INTS1: variants seen among roughly 807,000 people sequenced by gnomAD.
INTS1 encodes the protein integrator complex subunit 1.
Under a neutral mutation model 241.6 loss-of-function variants are expected in INTS1, and 137 were observed. That is an observed-to-expected ratio of 0.57 (90% CI 0.49 to 0.65). The LOEUF (loss-of-function observed/expected upper bound fraction) is 0.65, where lower values mean the gene tolerates loss of function less well. INTS1 is among the 30% of genes least tolerant of loss of function. The probability of loss-of-function intolerance (pLI) is 0.00; values close to 1 mark genes in which losing one functional copy is unlikely to be tolerated. For synonymous variants in INTS1, 1,692 were observed against 1,337.8 expected (o/e 1.26, Z -5.78); for missense variants, 3,073 against 3,032.2 (o/e 1.01, Z -0.32).
intron 39 of INTS1, among the ~76,000 whole-genome samples, chr7:1,475,441 T>A (rs756220463): frequency 2.0e-5 from 3 of 151,648 alleles, no homozygotes; most frequent in Non-Finnish European, 4.4e-5. Flanking sequence ...GACATATAAG[T>A]GAAAAAAACC....
rs371161550 is a variant in INTS1, at chr7:1,478,482, G to A, written c.4514C>T (p.Ala1505Val). 38 of 1,611,590 alleles carry A rather than the reference G, an allele frequency of 2.4e-5. No homozygotes were observed. The African/African-American group carries it at 4.5e-4, about 19-fold the overall frequency. ...GTCCTGACGGAAGGCCAGGGCCTCGGCCAGGCGCAGGAGCCCCCCTCGCAC... is the reference window on the plus strand; with the variant it reads ...GTCCTGACGGAAGGCCAGGGCCTCGACCAGGCGCAGGAGCCCCCCTCGCAC... ...SDVRGGLLRLAEALAFRQDLE... is the reference protein window; with the variant it reads ...SDVRGGLLRLVEALAFRQDLE... Residue 1505 changes from alanine to valine, a missense_variant, in exon 33 of 48, where the codon GCC (alanine) becomes GTC (valine). Physicochemically the swap from Ala to Val is moderately conservative, Grantham distance 64. Coordinates refer to ENST00000404767, the MANE Select transcript of INTS1 (RefSeq NM_001080453.3).
At chr7:1,476,491 C>A (rs764906507) in intron 37 of INTS1, 36 bp from the exon 38 acceptor site, 2 of 1,601,056 alleles carry the variant, frequency 1.2e-6, no homozygotes, top group Admixed American at 1.7e-5. Context: ...CGGAGCACCA[C>A]CGCCTCTCCC....
At position 1,476,069 on chromosome 7, in the gene INTS1, A is replaced by G; in HGVS notation, c.5381T>C (p.Val1794Ala). The G allele has an allele frequency of 1.3e-6, 2 of 1,542,152 alleles. No homozygotes were observed. Among genetic ancestry groups the G allele is most frequent in the Non-Finnish European group, 1.7e-6 (2 of 1,145,802 alleles). Residue 1794 changes from valine to alanine, a missense_variant and splice_region_variant, in exon 39 of 48, where the codon GTG becomes GCG. Physicochemically the swap from Val to Ala is moderately conservative, Grantham distance 64 (BLOSUM62 0). Transcript: ENST00000404767. ...SGCIQQWGDS[V>A]LGRRCRDLLL... ...AAGGTCTCGGCAGCGCCTGCCCAGC[A>G]CGCTGGAAGAGGTGGAGCAGGGCTC... is the stretch of plus-strand genomic sequence containing the variant.
At chr7:1,478,643 C>T (rs1584265905) in intron 32 of INTS1, 83 bp downstream of exon 32, 7 of 1,486,438 alleles carry the variant, frequency 4.7e-6, no homozygotes, top group South Asian at 2.6e-5. Context: ...GCCCAGGCCT[C>T]GGGGTGCCAG....
intron 43 of INTS1, 92 bp downstream of exon 43, chr7:1,472,980 G>A (rs1207832552): frequency 9.8e-6 from 8 of 818,024 alleles, no homozygotes; most frequent in East Asian, 5.5e-5. Flanking sequence ...GGGACGCCTC[G>A]GACGGCCCAG....
chr7:1,473,763 C>G (rs1488877262), intron 41 of INTS1, 70 bp from the exon 42 acceptor site: 9 of 1,587,594 alleles, frequency 5.7e-6, no homozygotes, highest in Non-Finnish European at 7.7e-6. Context: ...GTGCTCCCAT[C>G]TGCTCCCAGA....
chr7:1,500,313 C>T lies in INTS1; in HGVS notation c.403G>A (p.Asp135Asn), dbSNP rs764761251. The stretch of plus-strand genomic sequence containing the variant: ...CACAGCACGCCCTCGATCCTGTCAT[C>T]GTTGCCCTCCAGCTCGGCCGCCTCG... ...EIEAAELEGN[D>N]DRIEGVLCGA... Residue 135 changes from aspartate (D) to asparagine (N), a missense_variant, in exon 4 of 48, where the codon GAT becomes AAT. Physicochemically the swap from Asp to Asn is conservative, Grantham distance 23 (BLOSUM62 1). Coordinates refer to ENST00000404767, the MANE Select transcript of INTS1 (RefSeq NM_001080453.3). The T allele has an allele frequency of 6.9e-6, 11 of 1,592,928 alleles. No individual in the cohort carries two copies. Among genetic ancestry groups the T allele is most frequent in the South Asian group, 1.1e-5 (1 of 88,668 alleles).
At chr7:1,491,552 C>T (rs1025052931) in intron 16 of INTS1, among the ~76,000 whole-genome samples, 2 of 152,226 alleles carry the variant, frequency 1.3e-5, no homozygotes, top group African/African-American at 4.8e-5. Context: ...AGACATGACA[C>T]AAAAGCACAG....
chr7:1,472,851 G>A (rs78512074), intron 43 of INTS1, among the ~76,000 whole-genome samples: 4,101 of 151,380 alleles, frequency 0.027, 206 homozygotes, highest in African/African-American at 0.094. Flanking sequence ...TTGCCGGGGC[G>A]GGGCGATGTG....
chr7:1,475,961 C>T lies in INTS1; in HGVS notation c.5489G>A (p.Ser1830Asn). The change falls in exon 39 of 48, where the codon AGC becomes AAC. Residue 1830 changes from serine to asparagine, a missense_variant. Coordinates refer to ENST00000404767, the MANE Select transcript of INTS1 (RefSeq NM_001080453.3). ...TTGCGCCCTCACCTTGCAGACGCTG[C>T]TGCTGGCAGCCCCTTCGCTGTGCAG... is the stretch of plus-strand genomic sequence containing the variant. ...VLLHSEGAAS[S>N]SVCKLDGLIH... 1 of 1,540,932 alleles carries T rather than the reference C, an allele frequency of 6.5e-7. No individual in the cohort carries two copies.
intron 45 of INTS1, 64 bp from the exon 46 acceptor site, chr7:1,471,288 C>T (rs1781457044): frequency 1.3e-6 from 2 of 1,483,394 alleles, no homozygotes. Flanking sequence ...GGCCCCTTCA[C>T]CTCTTGGTCT....
rs868156341 is a variant in INTS1 at position 1,493,777 on chromosome 7, C to A, written c.2045G>T (p.Arg682Leu). Residue 682 changes from arginine (R) to leucine (L), a missense_variant, in exon 15 of 48, where the codon CGG becomes CTG. Arg to Leu is a moderately radical substitution (Grantham distance 102). Coordinates refer to ENST00000404767, the MANE Select transcript of INTS1 (RefSeq NM_001080453.3). The surrounding 1 kb of genome is among the most constrained non-coding windows in gnomAD (Gnocchi z 5.3). ...AMELADHLVK[R>L]AAAVQADDVE... ...ACCATCCGCCTGCACGGCAGCCGCC[C>A]GCTTCACCAGGTGGTCAGCAAGCTC... 6.3e-7 allele frequency: 1 copy of A among 1,578,926 alleles called. No individual in the cohort carries two copies. Among genetic ancestry groups the A allele is most frequent in the East Asian group, 2.3e-5 (1 of 42,588 alleles).
chr7:1,493,877 A>AGCCAG lies in INTS1; in HGVS notation c.1944_1945insCTGGC (p.Glu650AlafsTer6). On this transcript the variant is annotated frameshift_variant, in exon 15 of 48. Transcript: ENST00000404767. LOFTEE classifies it high-confidence loss of function. This position sits in a 1 kb window ranked among gnomAD's most constrained non-coding sequence, Gnocchi z 5.3. The stretch of plus-strand genomic sequence containing the variant: ...AGGATGCGCATCAGCGTGTCCTCCA[A>AGCCAG]AATGGGCACCTCGGAGCACAGACGC... 1 of 1,564,490 alleles carries AGCCAG rather than the reference A, an allele frequency of 6.4e-7. No homozygotes were observed. The highest frequency in any genetic ancestry group is 8.7e-7 in the Non-Finnish European group (1 of 1,155,144).
chr7:1,470,462 C>A lies in INTS1; in HGVS notation c.*115G>T, dbSNP rs915048990. ...CCTGGGCCTGCCTGGCCTCAGGGCT[C>A]GGCGCCCTCACCTCCTCGGACAGAC... On this transcript the variant is annotated 3_prime_UTR_variant, in exon 48 of 48. Transcript: ENST00000404767. The A allele has an allele frequency of 1.3e-6, 1 of 788,236 alleles. No individual in the cohort carries two copies. The highest frequency in any genetic ancestry group is 3.3e-5 in the Admixed American group (1 of 30,038). The allele number at this position is 788,236 out of a possible 1,614,324, so 48.8% of individuals were successfully genotyped here. A position where few individuals can be genotyped will look rare whatever the true frequency, so the allele number is the denominator to read the frequency against.
chr7:1,495,840 T>G (rs942840704), intron 12 of INTS1, among the ~76,000 whole-genome samples: 2 of 152,100 alleles, frequency 1.3e-5, no homozygotes, highest in African/African-American at 4.8e-5. Flanking sequence ...ACACCCGGAC[T>G]GCCCCAAACA....
Position 1,472,346 on chromosome 7 carries a change from G to T in INTS1, c.6111C>A (p.Ser2037=). ...SAGSLPLVSV[S]LFTPLTAAEM... is the part of the protein sequence containing the mutation. ...CGGCCGCGGTCAGAGGGGTGAACAG[G>T]GAGACGCTGACCAGGGGCAAGGAGC... The change falls in exon 44 of 48, where the codon TCC becomes TCA. Residue 2037 remains serine (S), a synonymous_variant. Coordinates refer to ENST00000404767, the MANE Select transcript of INTS1 (RefSeq NM_001080453.3). 6.4e-7 allele frequency: 1 copy of T among 1,573,944 alleles called. No individual in the cohort carries two copies. The highest frequency in any genetic ancestry group is 8.6e-7 in the Non-Finnish European group (1 of 1,160,478).
intron 8 of INTS1, 34 bp downstream of exon 8, chr7:1,498,941 C>CCCCG: frequency 7.4e-7 from 1 of 1,344,088 alleles, no homozygotes; most frequent in Non-Finnish European, 1.0e-6. Context: ...CCCCCACCCC[C>CCCCG]TGCCCCGCCC....
chr7:1,471,726 G>A, intron 44 of INTS1, 85 bp from the exon 45 acceptor site: 3 of 1,297,184 alleles, frequency 2.3e-6, no homozygotes, highest in Non-Finnish European at 2.2e-6. Flanking sequence ...GAGGGGGCAA[G>A]GCCCCGAGCA....
Position 1,476,320 on chromosome 7 carries a change from G to A in INTS1, c.5287C>T (p.Pro1763Ser). The change falls in exon 38 of 48, where the codon CCC becomes TCC. Residue 1763 changes from proline to serine, a missense_variant. By Grantham distance (74) the Pro-to-Ser change is moderately conservative. Transcript: ENST00000404767. ...AACSLIQARL[P>S]LLLSCCCGDD... ...CCACAGCAGCAGCTGAGCAGCAGGGGCAGCCGGGCCTGGATGAGGCTGCAG... is the reference window on the plus strand; with the variant it reads ...CCACAGCAGCAGCTGAGCAGCAGGGACAGCCGGGCCTGGATGAGGCTGCAG... 2 of 1,587,848 alleles carry A rather than the reference G, an allele frequency of 1.3e-6. No homozygotes were observed. Among genetic ancestry groups the A allele is most frequent in the East Asian group, 2.3e-5 (1 of 43,646 alleles).
Sources: gnomAD v4.1 joint callset for allele counts (sites outside exome capture counted in the v4.1 genomes callset) on GRCh38, gnomAD v4.1.1 for gene constraint, Gnocchi (gnomAD v3.1) non-coding constraint, MANE v1.5 for transcripts, NCBI Gene and HGNC (gene_info 2026-07-23, HGNC 2026-07-21) for gene names.